MCF2L2: variants seen among roughly 807,000 people sequenced by gnomAD.
MCF2L2 encodes probable guanine nucleotide exchange factor MCF2L2.
MCF2L2 carries 102 observed loss-of-function variants against 150.2 expected under a neutral mutation model. The ratio of observed to expected loss-of-function variants is 0.68; its 90% CI spans 0.58 to 0.80. MCF2L2 has a LOEUF of 0.80. Ranked by LOEUF, MCF2L2 falls within the 30% of genes least tolerant of loss-of-function variation. The pLI is 0.00. For missense variants in MCF2L2, 1,256 were observed against 1,372.8 expected, an observed-to-expected ratio of 0.91 and a Z score of 1.34; for synonymous variants, 465 against 491.3, an observed-to-expected ratio of 0.95 and a Z score of 0.71.
At chr3:183,376,905 AGT>A (rs1183323031) in intron 3 of MCF2L2, 1 of 152,192 alleles carries the variant, frequency 6.6e-6, no homozygotes, top group African/African-American at 2.4e-5. Flanking sequence ...GTCCCTAGAG[AGT>A]GTCTTTCACA....
intron 1 of MCF2L2, among the ~76,000 whole-genome samples, chr3:183,404,756 G>A (rs1225629621): frequency 2.0e-5 from 3 of 152,038 alleles, no homozygotes; most frequent in South Asian, 2.1e-4. Flanking sequence ...CTAGCTACTC[G>A]GGAGGCTGAG....
At chr3:183,396,467 G>A (rs1714472018) in intron 1 of MCF2L2, among the ~76,000 whole-genome samples, 1 of 152,114 alleles carries the variant, frequency 6.6e-6, no homozygotes, top group African/African-American at 2.4e-5. Flanking sequence ...AATTCATCAT[G>A]CAAATATACT....
intron 22 of MCF2L2, among the ~76,000 whole-genome samples, chr3:183,210,034 CT>C (rs1246860519): frequency 6.6e-6 from 1 of 152,052 alleles, no homozygotes. Flanking sequence ...CACTCTCTAC[CT>C]CATTTTAAAC....
chr3:183,191,934 A>G (rs1181671356), intron 27 of MCF2L2, among the ~76,000 whole-genome samples: 3 of 150,404 alleles, frequency 2.0e-5, no homozygotes, highest in African/African-American at 7.3e-5. Context: ...TCCGCCTCCC[A>G]GGTTGACGCC....
intron 3 of MCF2L2, among the ~76,000 whole-genome samples, chr3:183,349,468 G>T (rs1288838609): frequency 2.0e-5 from 3 of 152,152 alleles, no homozygotes; most frequent in African/African-American, 7.2e-5. Context: ...AGAGGTGGTT[G>T]CTTAGCTTCC....
chr3:183,206,479 C>A (rs1466510795), intron 23 of MCF2L2, among the ~76,000 whole-genome samples: 1 of 152,190 alleles, frequency 6.6e-6, no homozygotes, highest in Non-Finnish European at 1.5e-5. Context: ...AGCCCTCAAC[C>A]TTTCAGTGAA....
chr3:183,405,557 G>A (rs1715002114), intron 1 of MCF2L2, among the ~76,000 whole-genome samples: 1 of 152,066 alleles, frequency 6.6e-6, no homozygotes, highest in Non-Finnish European at 1.5e-5. Context: ...AGATTAGTAT[G>A]TACCTTTTGA....
chr3:183,367,329 G>T (rs886579069), intron 3 of MCF2L2, among the ~76,000 whole-genome samples: 1 of 151,370 alleles, frequency 6.6e-6, no homozygotes, highest in Non-Finnish European at 1.5e-5. Context: ...GGGTTCAAGC[G>T]ATTCTCCTGC....
chr3:183,361,003 GAAAAGAAAAGAAAAGAAA>G (rs1467383827), intron 3 of MCF2L2, among the ~76,000 whole-genome samples: 2 of 115,506 alleles, frequency 1.7e-5, no homozygotes, highest in Non-Finnish European at 3.4e-5. Flanking sequence ...GAAAAGAAAA[GAAAAGAAAAGAAAAGAAA>G]AGAGAAAAGA....
intron 1 of MCF2L2, among the ~76,000 whole-genome samples, chr3:183,395,386 A>T (rs746925160): frequency 3.3e-5 from 5 of 152,240 alleles, no homozygotes; most frequent in Non-Finnish European, 7.3e-5. Context: ...GTTTATGCAC[A>T]TATGTGTGGG....
At chr3:183,427,806 C>T (rs1055129921) in intron 1 of MCF2L2, 96 bp downstream of exon 1, 2 of 1,080,110 alleles carry the variant, frequency 1.9e-6, no homozygotes. Context: ...AGCGCGCTGC[C>T]CCGGGGCAGC....
intron 3 of MCF2L2, among the ~76,000 whole-genome samples, chr3:183,354,694 T>C (rs561396234): frequency 3.3e-5 from 5 of 152,334 alleles, no homozygotes; most frequent in South Asian, 2.1e-4. Flanking sequence ...TGATTGTTGT[T>C]TGCCTGTAAC....
chr3:183,233,073 G>A (rs112306873), intron 15 of MCF2L2, among the ~76,000 whole-genome samples: 277 of 152,252 alleles, frequency 1.8e-3, no homozygotes, highest in African/African-American at 3.8e-3. Context: ...TACATGGGCC[G>A]GGCATGGTGG....
At chr3:183,186,140 G>A (rs547054413) in intron 27 of MCF2L2, among the ~76,000 whole-genome samples, 1 of 152,238 alleles carries the variant, frequency 6.6e-6, no homozygotes, top group East Asian at 1.9e-4. Flanking sequence ...AAGCCAATAC[G>A]TCTAGTTTGG....
intron 15 of MCF2L2, among the ~76,000 whole-genome samples, chr3:183,241,980 A>G (rs1724047604): frequency 6.6e-6 from 1 of 152,242 alleles, no homozygotes; most frequent in African/African-American, 2.4e-5. Context: ...GTTTTAGCAA[A>G]GAGCCTGGCA....
intron 1 of MCF2L2, among the ~76,000 whole-genome samples, chr3:183,407,807 T>A (rs144098585): frequency 1.3e-5 from 2 of 151,976 alleles, no homozygotes; most frequent in African/African-American, 4.8e-5. Flanking sequence ...AATATTGCAA[T>A]AGAAATAAAA....
At chr3:183,420,840 G>C (rs1420425627) in intron 1 of MCF2L2, among the ~76,000 whole-genome samples, 1 of 152,110 alleles carries the variant, frequency 6.6e-6, no homozygotes, top group East Asian at 1.9e-4. Flanking sequence ...AGAATAGCCT[G>C]GGGAAAAACC....
Position 183,179,122 on chromosome 3 carries a change from G to T in MCF2L2, c.*258C>A. 2.6e-6 allele frequency: 1 copy of T among 390,564 alleles called. No homozygotes were observed. Among genetic ancestry groups the T allele is most frequent in the Non-Finnish European group, 4.5e-6 (1 of 223,064 alleles). 24.2% of individuals were successfully genotyped at this position (390,564 alleles called of 1,614,324 possible). ...CCCGGCTCCGAATATCGAAGTGCGC[G>T]GTCGAGAAGGCGTGGGCTGCGGGCT... On this transcript the variant is annotated 3_prime_UTR_variant, in exon 30 of 30. Transcript: ENST00000328913. This position sits in a 1 kb window ranked among gnomAD's most constrained non-coding sequence, Gnocchi z 4.2.
intron 14 of MCF2L2, among the ~76,000 whole-genome samples, chr3:183,285,406 G>A (rs1727730072): frequency 6.6e-6 from 1 of 152,226 alleles, no homozygotes; most frequent in South Asian, 2.1e-4. Context: ...TAAGCTGCCA[G>A]ATTAGTAAAC....
Sources: allele counts gnomAD v4.1 joint callset (sites outside exome capture counted in the v4.1 genomes callset), GRCh38; gene constraint gnomAD v4.1.1; non-coding constraint Gnocchi (gnomAD v3.1); transcripts MANE v1.5; gene names NCBI Gene and HGNC (gene_info 2026-07-23, HGNC 2026-07-21).